The following MON2 variants were observed in gnomAD, a reference collection of about 807,000 sequenced individuals.
The protein encoded by MON2 is MON2 regulator of endosome-to-Golgi trafficking.
A neutral mutation model predicts 208.6 loss-of-function variants in MON2; 84 were observed. The observed-to-expected ratio is 0.40, with a 90% CI of 0.34 to 0.48. MON2 has a LOEUF of 0.48. Ranked by LOEUF, MON2 falls within the 20% of genes least tolerant of loss-of-function variation. The pLI, the probability that MON2 is intolerant of heterozygous loss-of-function variation, is 0.59. For synonymous variants in MON2, 660 were observed against 694.0 expected (o/e 0.95, Z 0.77); for missense variants, 1,611 against 2,015.4 (o/e 0.80, Z 3.84).
intron 25 of MON2, 87 bp from the exon 26 acceptor site, chr12:62,560,404 T>C: frequency 7.5e-7 from 1 of 1,334,632 alleles, no homozygotes; most frequent in East Asian, 2.3e-5. Flanking sequence ...GCAGAAAAAT[T>C]AAGCAAATAT....
intron 19 of MON2, among the ~76,000 whole-genome samples, chr12:62,539,796 C>T (rs1020662662): frequency 2.6e-5 from 4 of 151,896 alleles, no homozygotes; most frequent in Admixed American, 6.6e-5. Context: ...GCAGGCAGAT[C>T]ACTTGTGGTC....
intron 34 of MON2, chr12:62,589,026 T>C (rs1254141959): frequency 1.7e-6 from 1 of 597,576 alleles, no homozygotes; most frequent in East Asian, 3.4e-5. Context: ...TCCCTTTACA[T>C]TGTTAAGATT....
In MON2 at chr12:62,494,057, T is replaced by C. The variant is rs1292783804; in HGVS notation, c.303+15T>C. 6.2e-7 allele frequency: 1 copy of C among 1,603,172 alleles called. No individual in the cohort carries two copies. Among genetic ancestry groups the C allele is most frequent in the Admixed American group, 1.7e-5 (1 of 59,308 alleles). On this transcript the variant is annotated intron_variant, in intron 3 of 34. Transcript: ENST00000393630. Reference sequence around the variant, plus strand: ...TCGTGTCTGAGGTAATATGAAGATTTTATCTAAACTTCACCTAAGAGTTGA... The same window carrying C: ...TCGTGTCTGAGGTAATATGAAGATTCTATCTAAACTTCACCTAAGAGTTGA...
In MON2 at chr12:62,534,838, C is replaced by CT. The variant is rs1565656631; in HGVS notation, c.1634-4dup. The stretch of plus-strand genomic sequence containing the variant: ...AAATTAAATATTGTATGTTTTTTTC[C>CT]TTTAAGTTAGTAGGGCTGTTTGGGA... On this transcript the variant is annotated splice_polypyrimidine_tract_variant and splice_region_variant and intron_variant, in intron 12 of 34. Transcript: ENST00000393630. 1 of 1,600,272 alleles carries CT rather than the reference C, an allele frequency of 6.2e-7. No homozygotes were observed. The highest frequency in any genetic ancestry group is 1.7e-5 in the Admixed American group (1 of 59,684).
chr12:62,542,975 T>G (rs1160969077), intron 19 of MON2, 122 bp from the exon 20 acceptor site: 2 of 534,514 alleles, frequency 3.7e-6, no homozygotes, highest in Non-Finnish European at 6.4e-6. Flanking sequence ...TAAATATAAC[T>G]TTATACTAAC....
intron 34 of MON2, among the ~76,000 whole-genome samples, chr12:62,589,139 GT>G (rs34351649): frequency 6.6e-6 from 1 of 152,212 alleles, no homozygotes; most frequent in Non-Finnish European, 1.5e-5. Context: ...GGCTTCAACA[GT>G]TTTGTTACTG....
In MON2 at chr12:62,481,589, C is replaced by T. The variant is rs141834261; in HGVS notation, c.112-2581C>T. Among the ~76,000 whole-genome samples, 47 of 151,532 alleles carry T rather than the reference C, an allele frequency of 3.1e-4. No homozygotes were observed. The East Asian group carries it at 5.6e-3, about 18-fold the overall frequency. Reference sequence around the variant, plus strand: ...CATTCTGGCTTAACTAGGTTGCAATCGGGGCATCAGGACTTATTTAAAAGC... The same window carrying T: ...CATTCTGGCTTAACTAGGTTGCAATTGGGGCATCAGGACTTATTTAAAAGC... On this transcript the variant is annotated intron_variant, in intron 1 of 34. Coordinates refer to ENST00000393630, the MANE Select transcript of MON2 (RefSeq NM_015026.3).
intron 1 of MON2, among the ~76,000 whole-genome samples, chr12:62,481,232 A>T (rs1361304630): frequency 6.6e-6 from 1 of 152,182 alleles, no homozygotes; most frequent in Non-Finnish European, 1.5e-5. Context: ...ATTTTTAAAA[A>T]TACTGATGGC....
chr12:62,565,450 G>A, intron 27 of MON2, 70 bp downstream of exon 27: 2 of 1,285,486 alleles, frequency 1.6e-6, no homozygotes, highest in Non-Finnish European at 2.1e-6. Flanking sequence ...TTCCACTTAA[G>A]ATGGACTTTG....
In MON2 at chr12:62,493,937, G is replaced by T. The variant is rs150263185; in HGVS notation, c.198G>T (p.Glu66Asp). Reference sequence around the variant, plus strand: ...AAGCACTGAAAGAGAACAGCTCAGAGGTTGTACAGCCTTTTTTAATGGGTT... The same window carrying T: ...AAGCACTGAAAGAGAACAGCTCAGATGTTGTACAGCCTTTTTTAATGGGTT... ...ILAALKENSSEVVQPFLMGCG... is the reference protein window; with the variant it reads ...ILAALKENSSDVVQPFLMGCG... Residue 66 changes from glutamate to aspartate, a missense_variant, in exon 3 of 35, where the codon GAG becomes GAT. Coordinates refer to ENST00000393630, the MANE Select transcript of MON2 (RefSeq NM_015026.3). The T allele has an allele frequency of 4.4e-6, 7 of 1,607,346 alleles. No homozygotes were observed. In the African/African-American group the frequency reaches 8.0e-5, roughly 18 times the overall value.
intron 33 of MON2, among the ~76,000 whole-genome samples, chr12:62,586,784 T>G (rs1474668625): frequency 6.6e-6 from 1 of 152,158 alleles, no homozygotes; most frequent in Non-Finnish European, 1.5e-5. Flanking sequence ...AACATATTTA[T>G]ATATTATAAA....
At chr12:62,581,249 G>A (rs755711934) in intron 32 of MON2, among the ~76,000 whole-genome samples, 2 of 152,202 alleles carry the variant, frequency 1.3e-5, no homozygotes, top group Non-Finnish European at 2.9e-5. Flanking sequence ...GTCTTAAACT[G>A]TGGCATCAGC....
At chr12:62,554,004 T>C (rs2073861151) in intron 24 of MON2, among the ~76,000 whole-genome samples, 1 of 152,174 alleles carries the variant, frequency 6.6e-6, no homozygotes, top group African/African-American at 2.4e-5. Flanking sequence ...GCCAATATGG[T>C]GAAACCCCAT....
intron 8 of MON2, among the ~76,000 whole-genome samples, chr12:62,514,859 T>C (rs909294492): frequency 6.6e-6 from 1 of 152,214 alleles, no homozygotes; most frequent in African/African-American, 2.4e-5. Context: ...GATATACCAA[T>C]GTCCAACAAG....
intron 4 of MON2, among the ~76,000 whole-genome samples, chr12:62,497,178 G>A (rs1408686244): frequency 8.1e-6 from 1 of 123,860 alleles, no homozygotes; most frequent in Non-Finnish European, 1.7e-5. Flanking sequence ...GAGGGGGGAG[G>A]GGGGAGGGAT....
At position 62,594,591 on chromosome 12, in the gene MON2, A is replaced by G. The variant is rs1187054332; in HGVS notation, c.*1842A>G. On this transcript the variant is annotated 3_prime_UTR_variant, in exon 35 of 35. Coordinates refer to ENST00000393630, the MANE Select transcript of MON2 (RefSeq NM_015026.3). ...AGAATAACCCAAGGGTAGTGTACCG[A>G]TTCAGTAACATGTTAAAAATATTGC... 1.3e-5 allele frequency: 2 copies of G among 152,238 alleles called. No homozygotes were observed. The highest frequency in any genetic ancestry group is 4.8e-5 in the African/African-American group (2 of 41,464). 9.4% of individuals were successfully genotyped at this position (152,238 alleles called of 1,614,324 possible).
chr12:62,557,954 ATATATATATTTTT>A (rs2074048650), intron 25 of MON2, among the ~76,000 whole-genome samples: 1 of 26,432 alleles, frequency 3.8e-5, no homozygotes, highest in African/African-American at 2.5e-4. Context: ...ATATATATAT[ATATATATATTTTT>A]TTTTTTTTTT....
intron 8 of MON2, among the ~76,000 whole-genome samples, chr12:62,511,653 A>C (rs2071403992): frequency 6.6e-6 from 1 of 152,232 alleles, no homozygotes; most frequent in South Asian, 2.1e-4. Flanking sequence ...TAAAACTAAA[A>C]AATTCCTAAA....
chr12:62,549,250 GT>G (rs2073635184), intron 22 of MON2, among the ~76,000 whole-genome samples: 1 of 151,958 alleles, frequency 6.6e-6, no homozygotes, highest in African/African-American at 2.4e-5. Flanking sequence ...AATATTAGGA[GT>G]TTCTTGTTTA....
Sources: allele counts gnomAD v4.1 joint callset (sites outside exome capture counted in the v4.1 genomes callset), GRCh38; gene constraint gnomAD v4.1.1; transcripts MANE v1.5; gene names NCBI Gene and HGNC (gene_info 2026-07-23, HGNC 2026-07-21).